RBFOX1: variants seen among roughly 807,000 people sequenced by gnomAD.
RBFOX1 encodes the protein RNA binding fox-1 homolog 1.
RBFOX1 carries 8 observed loss-of-function variants against 57.7 expected under a neutral mutation model. The ratio of observed to expected loss-of-function variants is 0.14; its 90% CI spans 0.08 to 0.25. RBFOX1 has a LOEUF of 0.25. Among genes scored for constraint, RBFOX1 ranks in the 10% least tolerant of loss-of-function variants. The pLI is 1.00. For missense variants in RBFOX1, 611 were observed against 548.5 expected (o/e 1.11, Z -1.14); for synonymous variants, 326 against 222.4 (o/e 1.47, Z -4.15).
intron 3 of RBFOX1, among the ~76,000 whole-genome samples, chr16:6,686,437 T>C (rs1031545892): frequency 2.6e-5 from 4 of 152,204 alleles, no homozygotes; most frequent in Admixed American, 2.0e-4. Context: ...AGGCCTCCGT[T>C]GTACTCACAA....
chr16:6,986,860 C>G (rs570654472), intron 3 of RBFOX1, among the ~76,000 whole-genome samples: 3 of 152,218 alleles, frequency 2.0e-5, no homozygotes, highest in South Asian at 2.1e-4. Flanking sequence ...TTATTATAAT[C>G]CCATCTTAGA....
chr16:6,561,022 C>G (rs966706174), intron 2 of RBFOX1, among the ~76,000 whole-genome samples: 5 of 152,194 alleles, frequency 3.3e-5, no homozygotes, highest in Non-Finnish European at 4.4e-5. Context: ...CAAACGCACC[C>G]TCCAACCACA....
intron 4 of RBFOX1, among the ~76,000 whole-genome samples, chr16:7,062,856 G>A (rs8054227): frequency 0.74 from 107,245 of 145,060 alleles, 39,606 homozygotes; most frequent in East Asian, 0.92. Context: ...CCATCTATCC[G>A]TCCCTTAAGC....
intron 3 of RBFOX1, among the ~76,000 whole-genome samples, chr16:6,756,947 C>T (rs921416020): frequency 4.6e-5 from 7 of 152,004 alleles, no homozygotes; most frequent in Admixed American, 4.6e-4. Flanking sequence ...TGCACTCCAG[C>T]CTGGGCACCA....
intron 4 of RBFOX1, among the ~76,000 whole-genome samples, chr16:7,383,139 T>C (rs1235065853): frequency 6.6e-6 from 1 of 152,178 alleles, no homozygotes; most frequent in East Asian, 1.9e-4. Flanking sequence ...TGTTCTGTGC[T>C]TCATTCAAGA....
intron 1 of RBFOX1, among the ~76,000 whole-genome samples, chr16:6,166,022 C>T (rs1216280584): frequency 6.6e-6 from 1 of 152,176 alleles, no homozygotes; most frequent in East Asian, 1.9e-4. Context: ...CACATGTACA[C>T]ATACAGTGGA....
At chr16:7,221,267 G>T (rs2092705325) in intron 4 of RBFOX1, among the ~76,000 whole-genome samples, 1 of 151,858 alleles carries the variant, frequency 6.6e-6, no homozygotes, top group African/African-American at 2.4e-5. Flanking sequence ...CCACAAGGAG[G>T]GTCTCAGAAG....
chr16:6,826,646 C>A (rs144794960), intron 3 of RBFOX1, among the ~76,000 whole-genome samples: 8 of 152,058 alleles, frequency 5.3e-5, no homozygotes, highest in Non-Finnish European at 1.0e-4. Flanking sequence ...AAAAACCTTC[C>A]TTTTTTTCTT....
intron 11 of RBFOX1, among the ~76,000 whole-genome samples, chr16:7,642,935 G>T (rs181589460): frequency 6.6e-6 from 1 of 152,260 alleles, no homozygotes; most frequent in East Asian, 1.9e-4. Context: ...CCTGCCCGGC[G>T]GGGGAAATTG....
chr16:6,515,126 A>G (rs776233275), intron 2 of RBFOX1, among the ~76,000 whole-genome samples: 9 of 152,238 alleles, frequency 5.9e-5, no homozygotes, highest in Non-Finnish European at 1.2e-4. Flanking sequence ...TTACAGGTTT[A>G]CTTATGTGCT....
intron 2 of RBFOX1, among the ~76,000 whole-genome samples, chr16:5,538,704 C>T (rs1204318803): frequency 4.0e-5 from 6 of 151,386 alleles, no homozygotes; most frequent in Admixed American, 1.3e-4. Context: ...CCGCTCACTG[C>T]AACCTTCGCC....
intron 4 of RBFOX1, among the ~76,000 whole-genome samples, chr16:7,092,295 G>T (rs1184691050): frequency 6.6e-6 from 1 of 152,120 alleles, no homozygotes; most frequent in African/African-American, 2.4e-5. Context: ...CGCATTAAAA[G>T]CCTGTATCAA....
At chr16:6,474,489 G>A (rs1286827579) in intron 2 of RBFOX1, among the ~76,000 whole-genome samples, 2 of 152,146 alleles carry the variant, frequency 1.3e-5, no homozygotes, top group Non-Finnish European at 2.9e-5. Context: ...AGTTTAAAAG[G>A]CAATTAAGAC....
At chr16:7,277,809 G>C (rs1011192309) in intron 4 of RBFOX1, among the ~76,000 whole-genome samples, 1 of 152,110 alleles carries the variant, frequency 6.6e-6, no homozygotes, top group African/African-American at 2.4e-5. Context: ...AATGAAATTA[G>C]CATATTAGTT....
intron 4 of RBFOX1, among the ~76,000 whole-genome samples, chr16:7,086,467 C>T (rs2059995325): frequency 6.6e-6 from 1 of 152,084 alleles, no homozygotes; most frequent in South Asian, 2.1e-4. Context: ...CATTCCCCAT[C>T]CTCTCATTCA....
At chr16:7,215,577 A>C (rs1057076727) in intron 4 of RBFOX1, among the ~76,000 whole-genome samples, 1 of 152,172 alleles carries the variant, frequency 6.6e-6, no homozygotes, top group African/African-American at 2.4e-5. Flanking sequence ...ACATTTACTG[A>C]GTTGTACAGC....
At chr16:5,884,447 G>A (rs941270385) in intron 4 of RBFOX1, among the ~76,000 whole-genome samples, 18 of 72,000 alleles carry the variant, frequency 2.5e-4, no homozygotes, top group Admixed American at 9.1e-4. Context: ...CCACCGCCCC[G>A]CCCCCCGCTC....
intron 3 of RBFOX1, among the ~76,000 whole-genome samples, chr16:6,811,270 AAAG>A (rs1247692514): frequency 6.6e-6 from 1 of 152,238 alleles, no homozygotes; most frequent in Admixed American, 6.5e-5. Flanking sequence ...AAAGAGAACA[AAAG>A]AAGAGAAATA....
chr16:7,498,688 C>T lies in RBFOX1; in HGVS notation c.28-19459C>T, dbSNP rs544296375. Among the ~76,000 whole-genome samples, 37 of 152,154 alleles carry T rather than the reference C, an allele frequency of 2.4e-4. No individual in the cohort carries two copies. In the South Asian group the frequency reaches 3.1e-3, roughly 13 times the overall value. On this transcript the variant is annotated intron_variant, in intron 4 of 15. Coordinates refer to ENST00000550418, the MANE Select transcript of RBFOX1 (RefSeq NM_018723.4). ...TGGCGTGCAGTTGCCATGTACAGTA[C>T]GCGTCATTTCAGACCAGCCACATTT...
Sources: allele counts gnomAD v4.1 joint callset (sites outside exome capture counted in the v4.1 genomes callset), GRCh38; gene constraint gnomAD v4.1.1; transcripts MANE v1.5; gene names NCBI Gene and HGNC (gene_info 2026-07-23, HGNC 2026-07-21).